Variants in SMG5 observed in about 807,000 individuals in gnomAD.
The protein encoded by SMG5 is nonsense-mediated mRNA decay factor SMG5.
A neutral mutation model predicts 122.9 loss-of-function variants in SMG5; 53 were observed. The ratio of observed to expected loss-of-function variants is 0.43; its 90% CI spans 0.35 to 0.54. The LOEUF is 0.54. Among genes scored for constraint, SMG5 ranks in the 20% least tolerant of loss-of-function variants. The probability of loss-of-function intolerance (pLI) is 0.01; values close to 1 mark genes in which losing one functional copy is unlikely to be tolerated. For missense variants in SMG5, 1,153 were observed against 1,285.6 expected (o/e 0.90, Z 1.58); for synonymous variants, 477 against 490.2 (o/e 0.97, Z 0.35).
At position 156,259,092 on chromosome 1, in the gene SMG5, C is replaced by T; in HGVS notation, c.2355G>A (p.Gln785=). 6.2e-7 allele frequency: 1 copy of T among 1,611,730 alleles called. No individual in the cohort carries two copies. Among genetic ancestry groups the T allele is most frequent in the Non-Finnish European group, 8.5e-7 (1 of 1,179,052 alleles). The part of the protein sequence containing the change: ...FIARLQGSIL[Q]FNPEVGIFVS... ...CGAAGATGCCAACCTCTGGGTTGAACTGCAGGATGCTGCCTTGCAGGCGGG... is the reference window on the plus strand; with the variant it reads ...CGAAGATGCCAACCTCTGGGTTGAATTGCAGGATGCTGCCTTGCAGGCGGG... The change falls in exon 16 of 22, where the codon CAG becomes CAA. Residue 785 remains glutamine, a synonymous_variant. Coordinates refer to ENST00000361813, the MANE Select transcript of SMG5 (RefSeq NM_015327.3).
At chr1:156,263,344 C>T (rs1404759941) in intron 13 of SMG5, 51 bp downstream of exon 13, 1 of 1,559,740 alleles carries the variant, frequency 6.4e-7, no homozygotes, top group African/African-American at 1.4e-5. Flanking sequence ...GGCTCATCCC[C>T]TCCTCCAAGA....
chr1:156,271,563 GA>G (rs1345933129), intron 7 of SMG5, among the ~76,000 whole-genome samples: 1 of 139,528 alleles, frequency 7.2e-6, no homozygotes, highest in Non-Finnish European at 1.5e-5. Context: ...GTGCCCTGAA[GA>G]GGTTTTTTTT....
chr1:156,286,938 T>C (rs112597390), upstream of SMG5, among the ~76,000 whole-genome samples: 36,713 of 150,684 alleles, frequency 0.24, 4,931 homozygotes, highest in Non-Finnish European at 0.3. Context: ...GCCTGGCCAA[T>C]ATGGTGAAAC....
chr1:156,259,015 T>G lies in SMG5; in HGVS notation c.2432A>C (p.Gln811Pro), dbSNP rs1444219983. Residue 811 changes from glutamine (Q) to proline (P), a missense_variant, in exon 16 of 22, where the codon CAG becomes CCG. This residue lies in a region of SMG5 where 140 missense variants were observed against 227.8 expected (regional missense o/e 0.61). Transcript: ENST00000361813. ...QESLLQQAQA[Q>P]FRMAQEEARR... ...GAAGGCCTGACTCACCATTCGGAACTGTGCCTGGGCCTGCTGCAGCAGGCT... is the reference window on the plus strand; with the variant it reads ...GAAGGCCTGACTCACCATTCGGAACGGTGCCTGGGCCTGCTGCAGCAGGCT... 1.2e-6 allele frequency: 2 copies of G among 1,613,752 alleles called. No homozygotes were observed. Among genetic ancestry groups the G allele is most frequent in the Non-Finnish European group, 1.7e-6 (2 of 1,179,922 alleles).
intron 6 of SMG5, among the ~76,000 whole-genome samples, chr1:156,272,893 T>C (rs1411704796): frequency 6.6e-6 from 1 of 152,148 alleles, no homozygotes; most frequent in Non-Finnish European, 1.5e-5. Context: ...TCCATCAGCT[T>C]GTTCCCACCT....
In SMG5 at chr1:156,249,978, G is replaced by A. The variant is rs747443232; in HGVS notation, c.*609C>T. 13 of 469,828 alleles carry A rather than the reference G, an allele frequency of 2.8e-5. No homozygotes were observed. Among genetic ancestry groups the A allele is most frequent in the Middle Eastern group, 6.5e-4 (2 of 3,096 alleles). 29.1% of individuals were successfully genotyped at this position (469,828 alleles called of 1,614,324 possible). A position where few individuals can be genotyped will look rare whatever the true frequency, so the allele number is the denominator to read the frequency against. ...CCCTGCAGCAGGAGGAGGAGCACACGAACCCTGACCCTGCTACTCGGTGCA... is the reference window on the plus strand; with the variant it reads ...CCCTGCAGCAGGAGGAGGAGCACACAAACCCTGACCCTGCTACTCGGTGCA... On this transcript the variant is annotated 3_prime_UTR_variant, in exon 22 of 22. Transcript: ENST00000361813.
rs1661287177 is a variant in SMG5, at chr1:156,250,307, G to A, written c.*280C>T. 2 of 467,180 alleles carry A rather than the reference G, an allele frequency of 4.3e-6. No homozygotes were observed. Among genetic ancestry groups the A allele is most frequent in the African/African-American group, 3.9e-5 (2 of 51,146 alleles). 28.9% of individuals were successfully genotyped at this position (467,180 alleles called of 1,614,324 possible). On this transcript the variant is annotated 3_prime_UTR_variant, in exon 22 of 22. Coordinates refer to ENST00000361813, the MANE Select transcript of SMG5 (RefSeq NM_015327.3). ...TACCCATGCCTACCACCTGCCCCTG[G>A]AGACAGCAGGGGAGCTGAGGCAGGA...
intron 15 of SMG5, 51 bp downstream of exon 15, chr1:156,260,400 G>T: frequency 6.4e-7 from 1 of 1,572,802 alleles, no homozygotes; most frequent in Non-Finnish European, 8.6e-7. Context: ...CCCATTTGCT[G>T]CTGTTTGTGA....
chr1:156,268,474 T>C (rs915836800), intron 7 of SMG5, 59 bp from the exon 8 acceptor site: 2 of 1,592,238 alleles, frequency 1.3e-6, no homozygotes, highest in African/African-American at 1.3e-5. Flanking sequence ...GTTACTCTGC[T>C]GGGGCTTTAG....
In SMG5 at chr1:156,267,636, C is replaced by A; in HGVS notation, c.951G>T (p.Leu317=). The A allele has an allele frequency of 1.2e-6, 2 of 1,612,626 alleles. No individual in the cohort carries two copies. Among genetic ancestry groups the A allele is most frequent in the Admixed American group, 1.7e-5 (1 of 59,904 alleles). Residue 317 remains leucine (L), a synonymous_variant, in exon 10 of 22, where the codon CTG becomes CTT. Transcript: ENST00000361813. ...SELTSLCQSV[L]EDFNLCLFYL... is the part of the protein sequence containing the mutation. ...AGAAGAGGCAGAGGTTGAAGTCCTC[C>A]AGGACTGACTGGCAAAGTGAGGTCA...
intron 1 of SMG5, among the ~76,000 whole-genome samples, chr1:156,281,384 C>T (rs752335058): frequency 2.6e-5 from 4 of 152,208 alleles, no homozygotes; most frequent in Non-Finnish European, 5.9e-5. Context: ...GTCTGACAGG[C>T]AGCACTGACA....
chr1:156,270,075 C>A (rs2101546082), intron 7 of SMG5, among the ~76,000 whole-genome samples: 1 of 150,980 alleles, frequency 6.6e-6, no homozygotes, highest in African/African-American at 2.4e-5. Flanking sequence ...ATGACCTTAA[C>A]ACTCATGACA....
chr1:156,288,346 T>C, the SMG5 span, among the ~76,000 whole-genome samples: 1 of 151,608 alleles, frequency 6.6e-6, no homozygotes, highest in Non-Finnish European at 1.5e-5. Flanking sequence ...TTTTCTTTTT[T>C]TTTTTTTGAG....
chr1:156,253,163 T>C, intron 17 of SMG5, 85 bp from the exon 18 acceptor site: 1 of 1,421,940 alleles, frequency 7.0e-7, no homozygotes, highest in Non-Finnish European at 9.4e-7. Flanking sequence ...GGTGGCTCTA[T>C]GGGGCTCCTC....
Position 156,280,431 on chromosome 1 carries a change from C to A in SMG5, c.75-1397G>T, listed in dbSNP as rs182534149. 7.2e-5 allele frequency among the ~76,000 whole-genome samples: 11 copies of A among 152,308 alleles called. No homozygotes were observed. The East Asian group carries it at 1.4e-3, about 19-fold the overall frequency. The stretch of plus-strand genomic sequence containing the variant: ...CACAGGGTGAAGTGACTGCCAGCAC[C>A]CAGCAGAGTAGGTGGGATGGTAATC... On this transcript the variant is annotated intron_variant, in intron 1 of 21. Coordinates refer to ENST00000361813, the MANE Select transcript of SMG5 (RefSeq NM_015327.3).
intron 6 of SMG5, among the ~76,000 whole-genome samples, chr1:156,272,714 C>T (rs1662490991): frequency 6.6e-6 from 1 of 151,982 alleles, no homozygotes; most frequent in Non-Finnish European, 1.5e-5. Context: ...GCTGGGACTA[C>T]CACAGGCACC....
chr1:156,256,585 A>G (rs1661585410), intron 16 of SMG5, among the ~76,000 whole-genome samples: 1 of 152,184 alleles, frequency 6.6e-6, no homozygotes, highest in Non-Finnish European at 1.5e-5. Flanking sequence ...AAGCTCCCCC[A>G]GAGAACTAGT....
Position 156,278,176 on chromosome 1 carries a change from G to C in SMG5, c.174-128C>G, listed in dbSNP as rs41265035. 11,045 of 1,203,528 alleles carry C rather than the reference G, an allele frequency of 9.2e-3. 74 individuals carry two copies. The highest frequency in any genetic ancestry group is 0.019 in the Middle Eastern group (65 of 3,488). The allele number at this position is 1,203,528 out of a possible 1,614,324, so 74.6% of individuals were successfully genotyped here. On this transcript the variant is annotated intron_variant, in intron 2 of 21. Transcript: ENST00000361813. ...CTCGGTGCTTCCCAAGAGACATGCA[G>C]GGTCAATATGACCCAGCACAACAGC...
chr1:156,261,523 G>T (rs962501852), intron 13 of SMG5, 115 bp from the exon 14 acceptor site: 6 of 790,394 alleles, frequency 7.6e-6, no homozygotes, highest in Non-Finnish European at 1.2e-5. Flanking sequence ...GCCTGTGGGG[G>T]TTTGATTTTA....
Sources: allele counts gnomAD v4.1 joint callset (sites outside exome capture counted in the v4.1 genomes callset), GRCh38; gene constraint gnomAD v4.1.1; regional missense constraint gnomAD v4.1.1; transcripts MANE v1.5; gene names NCBI Gene and HGNC (gene_info 2026-07-23, HGNC 2026-07-21).